USP9X: variants seen among roughly 807,000 people sequenced by gnomAD.
USP9X encodes ubiquitin carboxyl-terminal hydrolase 9X.
USP9X carries 7 observed loss-of-function variants against 190.3 expected under a neutral mutation model. The observed-to-expected ratio is 0.04, with a 90% confidence interval of 0.02 to 0.07. The LOEUF (loss-of-function observed/expected upper bound fraction) is 0.07. Among genes scored for constraint, USP9X ranks in the 10% least tolerant of loss-of-function variants. The pLI, the probability that USP9X is intolerant of heterozygous loss-of-function variation, is 1.00. For missense variants in USP9X, 1,010 were observed against 1,916.9 expected (o/e 0.53, Z 8.83); for synonymous variants, 645 against 659.5 (o/e 0.98, Z 0.34).
chrX:41,213,844 T>C (rs1312850264), intron 33 of USP9X, among the ~76,000 whole-genome samples: 1 of 112,221 alleles, frequency 8.9e-6, no homozygotes, highest in Admixed American at 9.5e-5. Flanking sequence ...TTTTCCGGAG[T>C]TTAAAATTCC....
chrX:41,218,629 G>T, intron 37 of USP9X, 32 bp downstream of exon 37: 1 of 1,158,958 alleles, frequency 8.6e-7, no homozygotes, highest in Non-Finnish European at 1.2e-6. Context: ...TAAATGATGA[G>T]ATGTTTACAA....
At chrX:41,156,788 T>G (rs997011666) in intron 14 of USP9X, among the ~76,000 whole-genome samples, 5 of 111,920 alleles carry the variant, frequency 4.5e-5, no homozygotes, top group Non-Finnish European at 7.5e-5. Flanking sequence ...AGGGACCAAC[T>G]TTCTTTGGAC....
intron 14 of USP9X, among the ~76,000 whole-genome samples, chrX:41,153,688 A>T (rs2062550433): frequency 8.9e-6 from 1 of 112,018 alleles, no homozygotes; most frequent in African/African-American, 3.2e-5. Flanking sequence ...TTTGACAGTT[A>T]TGTCAGTCTG....
chrX:41,129,226 G>A (rs953340661), intron 3 of USP9X, 81 bp downstream of exon 3: 5 of 974,646 alleles, frequency 5.1e-6, no homozygotes, highest in Middle Eastern at 2.7e-4. Flanking sequence ...TTATAGCTTC[G>A]TCACTGCCAA....
Position 41,233,599 on chromosome X carries a change from C to A in USP9X, c.*1075C>A, listed in dbSNP as rs1195968649. Reference sequence around the variant, plus strand: ...TGGAAGTCATCAGAACCCCACGGTACTTGGAGTACCTCTCTGCACCAAGAT... The same window carrying A: ...TGGAAGTCATCAGAACCCCACGGTAATTGGAGTACCTCTCTGCACCAAGAT... On this transcript the variant is annotated 3_prime_UTR_variant, in exon 45 of 45. Coordinates refer to ENST00000378308, the MANE Select transcript of USP9X (RefSeq NM_001039591.3). 2 of 112,067 alleles carry A rather than the reference C, an allele frequency of 1.8e-5. No individual in the cohort carries two copies. The highest frequency in any genetic ancestry group is 3.8e-5 in the Non-Finnish European group (2 of 53,218). 9.2% of individuals were successfully genotyped at this position (112,067 alleles called of 1,213,427 possible). A position where few individuals can be genotyped will look rare whatever the true frequency, so the allele number is the denominator to read the frequency against.
At position 41,140,015 on chromosome X, in the gene USP9X, G is replaced by C. The variant is rs192197463; in HGVS notation, c.655-641G>C. ...CTCACAACTGTTGTCTGTGCCAGCT[G>C]TATGGTACTTTGAGCTACAGCTCTT... On this transcript the variant is annotated intron_variant, in intron 6 of 44. Coordinates refer to ENST00000378308, the MANE Select transcript of USP9X (RefSeq NM_001039591.3). Among the ~76,000 whole-genome samples the C allele has an allele frequency of 9.8e-5, 11 of 112,096 alleles. No homozygotes were observed. In the Admixed American group the frequency reaches 1.0e-3, roughly 11 times the overall value.
intron 19 of USP9X, 97 bp from the exon 20 acceptor site, chrX:41,170,370 TGTA>T: frequency 9.2e-7 from 1 of 1,084,608 alleles, no homozygotes; most frequent in Admixed American, 2.6e-5. Context: ...AAGTATAGCA[TGTA>T]GTCTTTCGGA....
At chrX:41,186,779 T>A (rs768697151) in intron 24 of USP9X, 137 bp downstream of exon 24, 9 of 734,743 alleles carry the variant, frequency 1.2e-5, no homozygotes, top group African/African-American at 2.2e-5. Flanking sequence ...CTGTTTTTAA[T>A]CAACTTTATG....
At chrX:41,100,166 A>G (rs1183046167) in intron 1 of USP9X, among the ~76,000 whole-genome samples, 1 of 112,071 alleles carries the variant, frequency 8.9e-6, no homozygotes, top group Non-Finnish European at 1.9e-5. Flanking sequence ...TATAAGTTCA[A>G]TTTAGTTCTT....
intron 32 of USP9X, among the ~76,000 whole-genome samples, chrX:41,208,959 C>T (rs1418383825): frequency 2.7e-5 from 3 of 111,129 alleles, no homozygotes; most frequent in African/African-American, 6.6e-5. Context: ...CCACCCGGCT[C>T]GGCCTCCCAA....
At position 41,223,227 on chromosome X, in the gene USP9X, G is replaced by A; in HGVS notation, c.6576G>A (p.Glu2192=). 1 of 1,210,921 alleles carries A rather than the reference G, an allele frequency of 8.3e-7. No individual in the cohort carries two copies. ...FVMYANLGVA[E]KTQLLKLSVP... Reference sequence around the variant, plus strand: ...TCCTTTTTGTTGTAGGTGTGGCAGAGAAGACACAGCTTCTGAAATTGAGTG... The same window carrying A: ...TCCTTTTTGTTGTAGGTGTGGCAGAAAAGACACAGCTTCTGAAATTGAGTG... Residue 2192 remains glutamate (E), a synonymous_variant, in exon 39 of 45, where the codon GAG becomes GAA. Coordinates refer to ENST00000378308, the MANE Select transcript of USP9X (RefSeq NM_001039591.3).
At chrX:41,198,490 A>G in intron 29 of USP9X, 38 bp from the exon 30 acceptor site, 2 of 1,040,820 alleles carry the variant, frequency 1.9e-6, no homozygotes, top group East Asian at 3.1e-5. Context: ...AAAAATATAT[A>G]GCATTGCTAA....
At chrX:41,209,422 G>A (rs1479035046) in intron 32 of USP9X, among the ~76,000 whole-genome samples, 1 of 111,389 alleles carries the variant, frequency 9.0e-6, no homozygotes, top group Admixed American at 9.6e-5. Context: ...GTTAAATGTT[G>A]AGGGGGTGGG....
chrX:41,190,468 G>A (rs904100561), intron 26 of USP9X, among the ~76,000 whole-genome samples: 1 of 110,911 alleles, frequency 9.0e-6, no homozygotes, highest in Non-Finnish European at 1.9e-5. Flanking sequence ...CCCACAAATC[G>A]GGTTGGGCGT....
chrX:41,138,659 ATCTC>A (rs2062397076), intron 6 of USP9X, among the ~76,000 whole-genome samples: 2 of 112,176 alleles, frequency 1.8e-5, no homozygotes, highest in Non-Finnish European at 3.8e-5. Flanking sequence ...TGTCAGGACT[ATCTC>A]TCAGAGTGTT....
rs763668765 is a variant in USP9X at position 41,234,923 on chromosome X, G to A, written c.*2399G>A. 8.9e-6 allele frequency: 1 copy of A among 112,141 alleles called. No homozygotes were observed. Among genetic ancestry groups the A allele is most frequent in the South Asian group, 3.7e-4 (1 of 2,712 alleles). 9.2% of individuals were successfully genotyped at this position (112,141 alleles called of 1,213,427 possible). Reference sequence around the variant, plus strand: ...CCAAGCTCTTTAAACGAGTGAAATAGGTTAACTTTATTTGGATGAGTTAGG... The same window carrying A: ...CCAAGCTCTTTAAACGAGTGAAATAAGTTAACTTTATTTGGATGAGTTAGG... On this transcript the variant is annotated 3_prime_UTR_variant, in exon 45 of 45. Coordinates refer to ENST00000378308, the MANE Select transcript of USP9X (RefSeq NM_001039591.3).
chrX:41,235,502 G>A lies in USP9X; in HGVS notation c.*2978G>A, dbSNP rs973229920. On this transcript the variant is annotated 3_prime_UTR_variant, in exon 45 of 45. Transcript: ENST00000378308. ...CAGCCCCCAGAATTCTAAATGACAC[G>A]ATTATAGAAGACAGTAGAATGTGTT... is the stretch of plus-strand genomic sequence containing the variant. 2.7e-5 allele frequency: 3 copies of A among 112,760 alleles called. No homozygotes were observed. Among genetic ancestry groups the A allele is most frequent in the African/African-American group, 9.7e-5 (3 of 30,994 alleles). 9.3% of individuals were successfully genotyped at this position (112,760 alleles called of 1,213,427 possible). A position where few individuals can be genotyped will look rare whatever the true frequency, so the allele number is the denominator to read the frequency against.
At chrX:41,123,796 A>G in intron 2 of USP9X, 72 bp downstream of exon 2, 8 of 1,021,027 alleles carry the variant, frequency 7.8e-6, no homozygotes, top group Non-Finnish European at 1.1e-5. Context: ...TAATCGCAGC[A>G]CTTTGGGAGG....
intron 14 of USP9X, among the ~76,000 whole-genome samples, chrX:41,159,102 A>C (rs977027088): frequency 8.9e-6 from 1 of 111,844 alleles, no homozygotes; most frequent in Non-Finnish European, 1.9e-5. Flanking sequence ...CTAGGCAAGA[A>C]AAAGAAGTAG....
Sources: gnomAD v4.1 joint callset for allele counts (sites outside exome capture counted in the v4.1 genomes callset) on GRCh38, gnomAD v4.1.1 for gene constraint, MANE v1.5 for transcripts, NCBI Gene and HGNC (gene_info 2026-07-23, HGNC 2026-07-21) for gene names.